DCP1A: variants seen among roughly 807,000 people sequenced by gnomAD.
DCP1A encodes the protein mRNA-decapping enzyme 1A.
A neutral mutation model predicts 58.0 loss-of-function variants in DCP1A; 20 were observed. That is an observed-to-expected ratio of 0.34 (90% CI 0.24 to 0.50). DCP1A has a LOEUF of 0.50. Among genes scored for constraint, DCP1A ranks in the 20% least tolerant of loss-of-function variants. The probability of loss-of-function intolerance (pLI) is 0.98; values close to 1 mark genes in which losing one functional copy is unlikely to be tolerated. For synonymous variants in DCP1A, 285 were observed against 275.1 expected (o/e 1.04, Z -0.36); for missense variants, 613 against 712.2 (o/e 0.86, Z 1.59).
intron 3 of DCP1A, chr3:53,329,228 G>A (rs1449792882): frequency 7.6e-6 from 3 of 395,474 alleles, no homozygotes; most frequent in African/African-American, 4.1e-5. Flanking sequence ...GAAAGGACAA[G>A]CAGAGAGACA....
Position 53,292,660 on chromosome 3 carries a change from C to A in DCP1A, c.792G>T (p.Gln264His). 6.2e-7 allele frequency: 1 copy of A among 1,613,718 alleles called. No individual in the cohort carries two copies. Among genetic ancestry groups the A allele is most frequent in the Non-Finnish European group, 8.5e-7 (1 of 1,179,776 alleles). ...PNSFLPFPFE[Q>H]LGGAPQSETL... ...TTTCTGATTGAGGGGCTCCTCCTAA[C>A]TGCTCAAAGGGAAATGGTAGGAATG... The change falls in exon 7 of 10, where the codon CAG becomes CAT. Residue 264 changes from glutamine (Q) to histidine (H), a missense_variant. By Grantham distance (24) the Gln-to-His change is conservative. Around this residue, in one of 3 missense-constraint regions of DCP1A, gnomAD observed 498 missense variants for 556.7 expected, o/e 0.89. Transcript: ENST00000610213.
At chr3:53,296,745 TATATATGAC>T (rs1707140716) in intron 6 of DCP1A, among the ~76,000 whole-genome samples, 1 of 152,234 alleles carries the variant, frequency 6.6e-6, no homozygotes, top group Non-Finnish European at 1.5e-5. Flanking sequence ...CCAATGCATG[TATATATGAC>T]ATTTATTTAT....
intron 3 of DCP1A, among the ~76,000 whole-genome samples, chr3:53,321,222 T>G (rs1707956460): frequency 6.6e-6 from 1 of 152,230 alleles, no homozygotes; most frequent in African/African-American, 2.4e-5. Context: ...TCATCCTCTT[T>G]CTATCTTTCA....
intron 1 of DCP1A, among the ~76,000 whole-genome samples, chr3:53,346,507 C>A (rs1483989395): frequency 6.6e-6 from 1 of 152,170 alleles, no homozygotes; most frequent in African/African-American, 2.4e-5. Flanking sequence ...GTATTACTTT[C>A]TAAGTGTAAA....
At chr3:53,310,369 A>G (rs1328792366) in intron 5 of DCP1A, among the ~76,000 whole-genome samples, 3 of 152,120 alleles carry the variant, frequency 2.0e-5, no homozygotes, top group Admixed American at 1.3e-4. Flanking sequence ...CTTATTTCCT[A>G]CTTTCTCGTT....
At chr3:53,343,245 G>A (rs185519385) in intron 2 of DCP1A, among the ~76,000 whole-genome samples, 34 of 152,296 alleles carry the variant, frequency 2.2e-4, no homozygotes, top group African/African-American at 6.7e-4. Context: ...TCAGTTTCAG[G>A]TTTTTTGACT....
At chr3:53,340,867 A>C (rs2089191815) in intron 3 of DCP1A, among the ~76,000 whole-genome samples, 1 of 152,186 alleles carries the variant, frequency 6.6e-6, no homozygotes, top group Non-Finnish European at 1.5e-5. Context: ...AAAATGCCTG[A>C]AAGAACCCTG....
At chr3:53,291,177 C>T (rs1448985102) in intron 7 of DCP1A, among the ~76,000 whole-genome samples, 2 of 112,220 alleles carry the variant, frequency 1.8e-5, no homozygotes, top group Non-Finnish European at 4.3e-5. Context: ...CAGAGACAGC[C>T]CAGGAATATA....
chr3:53,338,518 T>G (rs2089153287), intron 3 of DCP1A, among the ~76,000 whole-genome samples: 1 of 152,120 alleles, frequency 6.6e-6, no homozygotes, highest in African/African-American at 2.4e-5. Flanking sequence ...CTTTAAGATT[T>G]TATCTTTTTC....
chr3:53,335,178 T>C (rs2089091221), intron 3 of DCP1A, among the ~76,000 whole-genome samples: 2 of 151,980 alleles, frequency 1.3e-5, no homozygotes, highest in African/African-American at 2.4e-5. Context: ...TCTCACTCTG[T>C]CACCTAGGCT....
chr3:53,345,753 G>C (rs1429558187), intron 1 of DCP1A, among the ~76,000 whole-genome samples: 1 of 152,080 alleles, frequency 6.6e-6, no homozygotes, highest in African/African-American at 2.4e-5. Context: ...TCTTCCAGAA[G>C]TACTACCCTA....
At chr3:53,293,023 T>G (rs1706982959) in intron 6 of DCP1A, among the ~76,000 whole-genome samples, 196 bp from the exon 7 acceptor site, 1 of 152,026 alleles carries the variant, frequency 6.6e-6, no homozygotes, top group Non-Finnish European at 1.5e-5. Context: ...GGATGGAAAT[T>G]TGCATTGGTA....
chr3:53,298,048 C>T (rs904982872), intron 6 of DCP1A, among the ~76,000 whole-genome samples: 1 of 152,150 alleles, frequency 6.6e-6, no homozygotes, highest in East Asian at 1.9e-4. Flanking sequence ...TGAGACCCTG[C>T]CTCTACAAAA....
At chr3:53,301,715 A>C (rs1187707157) in intron 6 of DCP1A, among the ~76,000 whole-genome samples, 1 of 152,222 alleles carries the variant, frequency 6.6e-6, no homozygotes, top group Non-Finnish European at 1.5e-5. Flanking sequence ...TCAGTAAGTG[A>C]GTTGCCAAAA....
intron 4 of DCP1A, among the ~76,000 whole-genome samples, chr3:53,315,479 C>T (rs73080295): frequency 0.17 from 24,373 of 140,542 alleles, 2,496 homozygotes; most frequent in Middle Eastern, 0.32. Context: ...GCGGAGGTTA[C>T]AGTGAACCCA....
At chr3:53,298,131 T>A (rs1232999536) in intron 6 of DCP1A, among the ~76,000 whole-genome samples, 1 of 152,182 alleles carries the variant, frequency 6.6e-6, no homozygotes, top group African/African-American at 2.4e-5. Flanking sequence ...GGCAGGAGGA[T>A]TGTTTAAGCC....
intron 6 of DCP1A, among the ~76,000 whole-genome samples, chr3:53,294,218 A>C (rs1481700826): frequency 1.3e-5 from 2 of 152,256 alleles, no homozygotes; most frequent in Non-Finnish European, 2.9e-5. Flanking sequence ...TTTATATTTT[A>C]GAACGTGCAC....
intron 4 of DCP1A, among the ~76,000 whole-genome samples, chr3:53,318,531 T>C (rs937737688): frequency 6.6e-6 from 1 of 151,900 alleles, no homozygotes; most frequent in Non-Finnish European, 1.5e-5. Flanking sequence ...ACCGTCTACC[T>C]ATTATAGCAT....
chr3:53,307,715 A>C (rs1707517953), intron 5 of DCP1A, among the ~76,000 whole-genome samples: 1 of 152,202 alleles, frequency 6.6e-6, no homozygotes, highest in Admixed American at 6.5e-5. Flanking sequence ...TGATTTTATA[A>C]TATTTGGTAA....
Sources: gnomAD v4.1 joint callset for allele counts (sites outside exome capture counted in the v4.1 genomes callset) on GRCh38, gnomAD v4.1.1 for gene constraint, gnomAD v4.1.1 regional missense constraint, MANE v1.5 for transcripts, NCBI Gene and HGNC (gene_info 2026-07-23, HGNC 2026-07-21) for gene names.